TMTC3: variants seen among roughly 807,000 people sequenced by gnomAD.
The protein encoded by TMTC3 is transmembrane O-mannosyltransferase targeting cadherins 3.
In TMTC3, 52 loss-of-function variants were observed where a neutral mutation model predicts 92.2. The ratio of observed to expected loss-of-function variants is 0.56; its 90% CI spans 0.45 to 0.71. The LOEUF (loss-of-function observed/expected upper bound fraction) is 0.71. Among genes scored for constraint, TMTC3 ranks in the 30% least tolerant of loss-of-function variants. The pLI is 0.00. For missense variants in TMTC3, 896 were observed against 1,057.1 expected (o/e 0.85, Z 2.11); for synonymous variants, 339 against 363.3 (o/e 0.93, Z 0.76).
intron 6 of TMTC3, among the ~76,000 whole-genome samples, chr12:88,161,146 C>G (rs2041073751): frequency 6.6e-6 from 1 of 152,076 alleles, no homozygotes; most frequent in South Asian, 2.1e-4. Flanking sequence ...TCTACTCATT[C>G]TGTCAGTTAC....
chr12:88,181,888 T>C (rs1267146012), intron 10 of TMTC3, among the ~76,000 whole-genome samples: 2 of 150,408 alleles, frequency 1.3e-5, no homozygotes, highest in East Asian at 3.9e-4. Context: ...CGTTAAAGCA[T>C]TGGGTATGGG....
At chr12:88,180,212 G>C (rs2041301906) in intron 10 of TMTC3, among the ~76,000 whole-genome samples, 1 of 152,124 alleles carries the variant, frequency 6.6e-6, no homozygotes. Context: ...AATAACATAA[G>C]ACAAACATGA....
intron 8 of TMTC3, 45 bp from the exon 9 acceptor site, chr12:88,174,562 T>G: frequency 1.3e-6 from 2 of 1,582,164 alleles, no homozygotes; most frequent in Non-Finnish European, 1.7e-6. Context: ...ATGCTTTTGG[T>G]GATGAAGACA....
At chr12:88,150,538 T>G (rs1309004455) in intron 2 of TMTC3, among the ~76,000 whole-genome samples, 1 of 152,174 alleles carries the variant, frequency 6.6e-6, no homozygotes, top group African/African-American at 2.4e-5. Context: ...GCAGATGGAC[T>G]AAGAAAAAGA....
At chr12:88,189,584 G>A (rs572514821) in intron 11 of TMTC3, among the ~76,000 whole-genome samples, 48 of 152,124 alleles carry the variant, frequency 3.2e-4, no homozygotes, top group Non-Finnish European at 6.3e-4. Flanking sequence ...GATAAAATTA[G>A]TAGATACATC....
chr12:88,158,510 A>G (rs2041036553), intron 4 of TMTC3, among the ~76,000 whole-genome samples: 1 of 151,854 alleles, frequency 6.6e-6, no homozygotes, highest in Admixed American at 6.6e-5. Flanking sequence ...TTAAGGAAAG[A>G]GTATTATTAT....
intron 4 of TMTC3, among the ~76,000 whole-genome samples, chr12:88,157,924 G>A (rs1228686647): frequency 1.3e-5 from 2 of 152,114 alleles, no homozygotes; most frequent in East Asian, 3.8e-4. Flanking sequence ...TAGTTGAGAT[G>A]GAATTCAAGT....
Position 88,160,185 on chromosome 12 carries a change from G to A in TMTC3, c.580G>A (p.Val194Ile), listed in dbSNP as rs1359341405. The A allele has an allele frequency of 1.9e-6, 3 of 1,589,294 alleles. No individual in the cohort carries two copies. Among genetic ancestry groups the A allele is most frequent in the Non-Finnish European group, 2.6e-6 (3 of 1,170,154 alleles). The change falls in exon 5 of 14, where the codon GTT becomes ATT. Residue 194 changes from valine to isoleucine, a missense_variant. Coordinates refer to ENST00000266712, the MANE Select transcript of TMTC3 (RefSeq NM_181783.4). ...ATLCKEQGIT[V>I]VGICCVYEVF... is the part of the protein sequence containing the mutation. ...ATTATGTAAAGAACAAGGAATAACA[G>A]TTGTAGGAATTTGCTGTGTGTATGA...
intron 4 of TMTC3, among the ~76,000 whole-genome samples, chr12:88,155,674 TTCTG>T (rs986906038): frequency 3.9e-4 from 59 of 152,230 alleles, no homozygotes; most frequent in African/African-American, 1.4e-3. Flanking sequence ...GCTTAAGTAT[TTCTG>T]TCTTAGAAAA....
chr12:88,164,320 G>A (rs1057400631), intron 6 of TMTC3, among the ~76,000 whole-genome samples: 1 of 150,612 alleles, frequency 6.6e-6, no homozygotes. Context: ...TCTAGCCCCC[G>A]CACTCCTAGG....
chr12:88,160,505 A>T (rs2041063739), intron 5 of TMTC3, among the ~76,000 whole-genome samples, 174 bp from the exon 6 acceptor site: 1 of 152,134 alleles, frequency 6.6e-6, no homozygotes. Flanking sequence ...AGTATAATTC[A>T]TTATTAGGTA....
intron 10 of TMTC3, among the ~76,000 whole-genome samples, chr12:88,188,307 A>G (rs988686219): frequency 1.2e-4 from 18 of 152,170 alleles, no homozygotes; most frequent in African/African-American, 3.4e-4. Context: ...AAAAATCCTG[A>G]TGATTCATTT....
In TMTC3 at chr12:88,160,663, T is replaced by G. The variant is rs1773463016; in HGVS notation, c.625-16T>G. ...TGTCGTTATTTGTTGCTTAAAACAT[T>G]TCTTTTCTTTTTCAGTATACTTTGC... On this transcript the variant is annotated splice_polypyrimidine_tract_variant and intron_variant, in intron 5 of 13. Transcript: ENST00000266712. The G allele has an allele frequency of 1.2e-6, 2 of 1,610,134 alleles. No individual in the cohort carries two copies. Among genetic ancestry groups the G allele is most frequent in the South Asian group, 2.2e-5 (2 of 90,238 alleles).
rs1024515197 is a variant in TMTC3 at position 88,195,249 on chromosome 12, T to C, written c.2345T>C (p.Phe782Ser). The C allele has an allele frequency of 6.2e-7, 1 of 1,613,848 alleles. No homozygotes were observed. Among genetic ancestry groups the C allele is most frequent in the Admixed American group, 1.7e-5 (1 of 59,962 alleles). Residue 782 changes from phenylalanine to serine, a missense_variant, in exon 14 of 14, where the codon TTT becomes TCT. Physicochemically the swap from Phe to Ser is radical, Grantham distance 155. Transcript: ENST00000266712. ...QGKHNLCVVYFEEKDLLKAER... is the reference protein window; with the variant it reads ...QGKHNLCVVYSEEKDLLKAER... Reference sequence around the variant, plus strand: ...AAACACAATCTTTGTGTTGTTTATTTTGAAGAAAAAGACTTATTAAAAGCT... The same window carrying C: ...AAACACAATCTTTGTGTTGTTTATTCTGAAGAAAAAGACTTATTAAAAGCT...
At position 88,195,080 on chromosome 12, in the gene TMTC3, G is replaced by A. The variant is rs751722895; in HGVS notation, c.2176G>A (p.Glu726Lys). The A allele has an allele frequency of 1.9e-5, 30 of 1,613,660 alleles. No homozygotes were observed. The highest frequency in any genetic ancestry group is 2.5e-5 in the Non-Finnish European group (30 of 1,179,894). ...AKELKALPIL[E>K]ELLRYYPDHI... ...GGAATTAAAGGCTTTGCCAATTTTG[G>A]AGGAGTTACTCAGATACTACCCTGA... Residue 726 changes from glutamate (E) to lysine (K), a missense_variant, in exon 14 of 14, where the codon GAG (glutamate) becomes AAG (lysine). By Grantham distance (56) the Glu-to-Lys change is moderately conservative. Coordinates refer to ENST00000266712, the MANE Select transcript of TMTC3 (RefSeq NM_181783.4).
chr12:88,149,651 A>G (rs929408681), intron 2 of TMTC3, among the ~76,000 whole-genome samples: 31 of 152,198 alleles, frequency 2.0e-4, no homozygotes, highest in African/African-American at 7.2e-4. Flanking sequence ...CAATGTTAAC[A>G]GTATGTTTCT....
At chr12:88,142,926 A>G (rs1307264816) in intron 1 of TMTC3, among the ~76,000 whole-genome samples, 1 of 152,124 alleles carries the variant, frequency 6.6e-6, no homozygotes, top group African/African-American at 2.4e-5. Context: ...TGGAGAGAGA[A>G]GGGATCCAAG....
rs34463654 is a variant in TMTC3 at position 88,191,710 on chromosome 12, C to CTGTTTGTTTGTT, written c.1707-886_1707-875dup. Reference sequence around the variant, plus strand: ...GTTCAGCTTTTTTTTAGTCCTTTTTCTGTTTGTTTGTTTGTTTGTGACAGA... The same window carrying CTGTTTGTTTGTT: ...GTTCAGCTTTTTTTTAGTCCTTTTTCTGTTTGTTTGTTTGTTTGTTTGTTTGTTTGTGACAGA... On this transcript the variant is annotated intron_variant, in intron 12 of 13. Transcript: ENST00000266712. 6.9e-3 allele frequency among the ~76,000 whole-genome samples: 1,042 copies of CTGTTTGTTTGTT among 151,512 alleles called. 16 individuals are homozygous for CTGTTTGTTTGTT. Among genetic ancestry groups the CTGTTTGTTTGTT allele is most frequent in the African/African-American group, 0.024 (996 of 41,102 alleles).
chr12:88,167,638 C>T (rs887955063), intron 7 of TMTC3, among the ~76,000 whole-genome samples: 3 of 152,144 alleles, frequency 2.0e-5, no homozygotes, highest in Non-Finnish European at 2.9e-5. Flanking sequence ...AGAGAACTTA[C>T]ACAGTTCACG....
Sources: allele counts gnomAD v4.1 joint callset (sites outside exome capture counted in the v4.1 genomes callset), GRCh38; gene constraint gnomAD v4.1.1; transcripts MANE v1.5; gene names NCBI Gene and HGNC (gene_info 2026-07-23, HGNC 2026-07-21).